The following EXD3 variants were observed in gnomAD, a reference collection of about 807,000 sequenced individuals.
EXD3 encodes exonuclease 3'-5' domain containing 3.
Under a neutral mutation model 98.0 loss-of-function variants are expected in EXD3, and 92 were observed. That is an observed-to-expected ratio of 0.94 (90% CI 0.79 to 1.12). The LOEUF (loss-of-function observed/expected upper bound fraction) is 1.12. EXD3 is among the 50% of genes most tolerant of loss of function. The probability of loss-of-function intolerance (pLI) is 0.00; values close to 1 mark genes in which losing one functional copy is unlikely to be tolerated. For missense variants in EXD3, 1,222 were observed against 1,191.6 expected, an observed-to-expected ratio of 1.03 and a Z score of -0.38; for synonymous variants, 569 against 526.0, an observed-to-expected ratio of 1.08 and a Z score of -1.12.
intron 1 of EXD3, among the ~76,000 whole-genome samples, chr9:137,417,420 G>C (rs1838289752): frequency 1.3e-5 from 2 of 152,294 alleles, no homozygotes; most frequent in South Asian, 4.1e-4. Flanking sequence ...TCCGCGGCGC[G>C]GAGGCCCCTG....
chr9:137,386,277 G>C (rs1015803251), intron 2 of EXD3, among the ~76,000 whole-genome samples: 2 of 152,086 alleles, frequency 1.3e-5, no homozygotes, highest in East Asian at 3.9e-4. Context: ...CTGGGGGACA[G>C]AGTGAGAACC....
chr9:137,354,421 A>G (rs1220448357), intron 9 of EXD3, 44 bp from the exon 10 acceptor site: 2 of 1,611,622 alleles, frequency 1.2e-6, no homozygotes. Context: ...GCAGCTCCAG[A>G]GGCTGTATCG....
chr9:137,380,128 G>A (rs1430423264), intron 3 of EXD3, among the ~76,000 whole-genome samples: 1 of 151,872 alleles, frequency 6.6e-6, no homozygotes, highest in East Asian at 1.9e-4. Context: ...CCCTTGCGCT[G>A]CCTGCCTCCC....
chr9:137,350,313 G>A (rs28520684), intron 14 of EXD3, among the ~76,000 whole-genome samples: 1 of 91,308 alleles, frequency 1.1e-5, no homozygotes, highest in Non-Finnish European at 2.3e-5. Flanking sequence ...ATAGAGAGGG[G>A]TGGGGATCAC....
intron 7 of EXD3, among the ~76,000 whole-genome samples, chr9:137,361,948 T>C (rs922444402): frequency 2.6e-5 from 4 of 152,098 alleles, no homozygotes; most frequent in Non-Finnish European, 5.9e-5. Context: ...GAGACTATTA[T>C]GAACAACTTT....
chr9:137,403,175 G>A lies in EXD3; in HGVS notation c.-47-7771C>T, dbSNP rs1837549768. Among the ~76,000 whole-genome samples the A allele has an allele frequency of 6.6e-6, 1 of 151,968 alleles. No individual in the cohort carries two copies. The highest frequency in any genetic ancestry group is 2.4e-5 in the African/African-American group (1 of 41,352). On this transcript the variant is annotated intron_variant, in intron 1 of 21. Coordinates refer to ENST00000340951, the MANE Select transcript of EXD3 (RefSeq NM_017820.5). This position sits in a 1 kb window ranked among gnomAD's most constrained non-coding sequence, Gnocchi z 6.1. ...CCTCTCCCCTCCATGGCAGTGTGGG[G>A]ACTGCTATGCATATCTGAAAGTGAG... is the stretch of plus-strand genomic sequence containing the variant.
At chr9:137,335,200 C>T (rs1003884289) in intron 17 of EXD3, among the ~76,000 whole-genome samples, 5 of 151,716 alleles carry the variant, frequency 3.3e-5, no homozygotes, top group East Asian at 3.9e-4. Context: ...CAAACAAATC[C>T]GCAAGAAAAA....
In EXD3 at chr9:137,307,102, G is replaced by A. The variant is rs776184180; in HGVS notation, c.2479C>T (p.Arg827Trp). The A allele has an allele frequency of 1.2e-5, 20 of 1,609,288 alleles. No homozygotes were observed. The highest frequency in any genetic ancestry group is 2.7e-5 in the African/African-American group (2 of 74,938). Residue 827 changes from arginine to tryptophan, a missense_variant, in exon 22 of 22, where the codon CGG becomes TGG. Transcript: ENST00000340951. ...PVGVLRTPGL[R>W]CFYCCTGCGK... Reference sequence around the variant, plus strand: ...CAGCCCGTGCAGCAGTAGAAGCACCGCAGCCCAGGTGTCCTCAGCACACCC... The same window carrying A: ...CAGCCCGTGCAGCAGTAGAAGCACCACAGCCCAGGTGTCCTCAGCACACCC...
chr9:137,306,962 G>C lies in EXD3; in HGVS notation c.2619C>G (p.Ser873Arg), dbSNP rs749549421. ...TGTCTGGCTGTCCTCAGAAGGGACT[G>C]CTGGCCGGGCTGGGGGCTGGGCTCG... is the stretch of plus-strand genomic sequence containing the variant. ...CEPSPAPSPA[S>R]SPF The change falls in exon 22 of 22, where the codon AGC (serine) becomes AGG (arginine). Residue 873 changes from serine (S) to arginine (R), a missense_variant. Transcript: ENST00000340951. 1 of 1,580,252 alleles carries C rather than the reference G, an allele frequency of 6.3e-7. No homozygotes were observed. Among genetic ancestry groups the C allele is most frequent in the Non-Finnish European group, 8.6e-7 (1 of 1,161,596 alleles).
intron 3 of EXD3, chr9:137,381,309 C>T (rs921043433): frequency 5.7e-5 from 8 of 141,260 alleles, no homozygotes; most frequent in Admixed American, 1.4e-4. Flanking sequence ...CCAGCTACTC[C>T]GGAGGCTGAG....
At chr9:137,355,169 G>A (rs1039928314) in intron 8 of EXD3, among the ~76,000 whole-genome samples, 6 of 152,130 alleles carry the variant, frequency 3.9e-5, no homozygotes, top group Non-Finnish European at 7.4e-5. Context: ...CCCCATGAGC[G>A]GCAGGGACTG....
intron 1 of EXD3, among the ~76,000 whole-genome samples, chr9:137,398,884 A>G (rs71485021): frequency 0.38 from 49,519 of 130,394 alleles, 9,954 homozygotes; most frequent in African/African-American, 0.51. Flanking sequence ...CGTGACACAC[A>G]TGCACCCGCG....
At chr9:137,329,945 CAGGACCACACAGGAGCTAT>C (rs1486490848) in intron 17 of EXD3, among the ~76,000 whole-genome samples, 35 of 2,486 alleles carry the variant, frequency 0.014, no homozygotes, top group African/African-American at 0.042. Context: ...CAGGACTATG[CAGGACCACACAGGAGCTAT>C]ACAGGAGCTA....
intron 1 of EXD3, among the ~76,000 whole-genome samples, chr9:137,401,774 C>A (rs901344862): frequency 6.6e-6 from 1 of 152,332 alleles, no homozygotes; most frequent in Middle Eastern, 3.4e-3. Context: ...GCCCAGCCCA[C>A]AAAACCACTT....
At chr9:137,321,835 C>T (rs1163202255) in intron 19 of EXD3, among the ~76,000 whole-genome samples, 3 of 152,214 alleles carry the variant, frequency 2.0e-5, no homozygotes, top group Non-Finnish European at 4.4e-5. Flanking sequence ...GCACAGCCCA[C>T]AGTCCCCCTT....
rs528449117 is a variant in EXD3 at position 137,373,088 on chromosome 9, C to A, written c.295-16G>T. ...TCAGGCTGTGCTGGAAGAGCAGGGA[C>A]CCAGACTTACTGGACGCAGCACCCA... On this transcript the variant is annotated splice_polypyrimidine_tract_variant and intron_variant, in intron 4 of 21. Transcript: ENST00000340951. 1.9e-6 allele frequency: 3 copies of A among 1,545,628 alleles called. No homozygotes were observed. Among genetic ancestry groups the A allele is most frequent in the African/African-American group, 2.7e-5 (2 of 73,388 alleles).
intron 17 of EXD3, among the ~76,000 whole-genome samples, chr9:137,340,560 G>C (rs560972947): frequency 2.6e-5 from 4 of 151,952 alleles, no homozygotes; most frequent in African/African-American, 9.7e-5. Flanking sequence ...AGGTCTTGCT[G>C]TGTTGCCCAG....
intron 9 of EXD3, 50 bp downstream of exon 9, chr9:137,354,650 T>A (rs1588332045): frequency 6.2e-7 from 1 of 1,604,780 alleles, no homozygotes; most frequent in Non-Finnish European, 8.5e-7. Context: ...CCAAACTCTG[T>A]GGCTCAGGCC....
chr9:137,373,534 C>T lies in EXD3; in HGVS notation c.186G>A (p.Met62Ile), dbSNP rs1835747529. The change falls in exon 4 of 22, where the codon ATG (methionine) becomes ATA (isoleucine). Residue 62 changes from methionine (M) to isoleucine (I), a missense_variant. Met to Ile is a conservative substitution (Grantham distance 10). Transcript: ENST00000340951. ...LDDPLAGLLDMLESCRGQRGE... is the reference protein window; with the variant it reads ...LDDPLAGLLDILESCRGQRGE... Reference sequence around the variant, plus strand: ...CCCGCTGGCCCCGGCAGCTCTCCAGCATGTCCAGAAGCCCGGCCAGGGGGT... The same window carrying T: ...CCCGCTGGCCCCGGCAGCTCTCCAGTATGTCCAGAAGCCCGGCCAGGGGGT... 6.2e-7 allele frequency: 1 copy of T among 1,604,322 alleles called. No individual in the cohort carries two copies. The highest frequency in any genetic ancestry group is 8.5e-7 in the Non-Finnish European group (1 of 1,176,564).
Sources: allele counts gnomAD v4.1 joint callset (sites outside exome capture counted in the v4.1 genomes callset), GRCh38; gene constraint gnomAD v4.1.1; non-coding constraint Gnocchi (gnomAD v3.1); transcripts MANE v1.5; gene names NCBI Gene and HGNC (gene_info 2026-07-23, HGNC 2026-07-21).